The following IMMP2L variants were observed in gnomAD, a reference collection of about 807,000 sequenced individuals.
The protein encoded by IMMP2L is inner mitochondrial membrane peptidase subunit 2, also known as mitochondrial inner membrane protease subunit 2.
In IMMP2L, 18 loss-of-function variants were observed where a neutral mutation model predicts 19.3. The ratio of observed to expected loss-of-function variants is 0.93; its 90% CI spans 0.64 to 1.38. The LOEUF (loss-of-function observed/expected upper bound fraction) is 1.38. IMMP2L is among the 40% of genes most tolerant of loss of function. IMMP2L has a pLI of 0.00. For synonymous variants in IMMP2L, 76 were observed against 73.0 expected, an observed-to-expected ratio of 1.04 and a Z score of -0.21; for missense variants, 233 against 218.2, an observed-to-expected ratio of 1.07 and a Z score of -0.43.
intron 3 of IMMP2L, among the ~76,000 whole-genome samples, chr7:111,125,909 G>A (rs1417961992): frequency 4.2e-5 from 6 of 141,364 alleles, no homozygotes; most frequent in Non-Finnish European, 6.0e-5. Context: ...TGCAGACTCC[G>A]CTTCCCAGGT....
Position 110,699,531 on chromosome 7 carries a change from G to A in IMMP2L, c.409-35810C>T, listed in dbSNP as rs371044572. On this transcript the variant is annotated intron_variant, in intron 5 of 5. Transcript: ENST00000405709. ...TCGCGCCTTAATTCCAGCACTTTGG[G>A]AGGCCGAGGCGGGCGGATCATCTGA... Among the ~76,000 whole-genome samples the A allele has an allele frequency of 2.1e-4, 32 of 152,216 alleles. 1 individual carries two copies. The East Asian group carries it at 5.4e-3, about 26-fold the overall frequency.
chr7:111,125,262 A>T (rs2129590729), intron 3 of IMMP2L: 1 of 183,972 alleles, frequency 5.4e-6, no homozygotes, highest in African/African-American at 2.4e-5. Context: ...GTGTTGTATT[A>T]CACATATTAG....
At chr7:111,525,760 T>C (rs995797114) in intron 1 of IMMP2L, among the ~76,000 whole-genome samples, 3 of 152,130 alleles carry the variant, frequency 2.0e-5, no homozygotes, top group African/African-American at 7.2e-5. Context: ...AAATATTTAA[T>C]ACTAAAATTA....
In IMMP2L at chr7:110,953,322, C is replaced by T. The variant is rs1359911754; in HGVS notation, c.305+10178G>A. On this transcript the variant is annotated intron_variant, in intron 4 of 5. Coordinates refer to ENST00000405709, the MANE Select transcript of IMMP2L (RefSeq NM_032549.4). ...CTAGTGCTGTCCCTCTCCTTGTCCCCCACCCCCCGACAGGCCCCAGTGTGT... is the reference window on the plus strand; with the variant it reads ...CTAGTGCTGTCCCTCTCCTTGTCCCTCACCCCCCGACAGGCCCCAGTGTGT... Among the ~76,000 whole-genome samples, 4 of 151,842 alleles carry T rather than the reference C, an allele frequency of 2.6e-5. No homozygotes were observed. In the East Asian group the frequency reaches 7.8e-4, roughly 30 times the overall value.
At chr7:111,385,463 G>A (rs1010848715) in intron 3 of IMMP2L, among the ~76,000 whole-genome samples, 22 of 152,120 alleles carry the variant, frequency 1.4e-4, no homozygotes, top group South Asian at 2.1e-4. Context: ...GCTACCCTAG[G>A]CCGAAGTGAG....
chr7:110,767,685 A>C (rs1293679440), intron 5 of IMMP2L, among the ~76,000 whole-genome samples: 2 of 152,162 alleles, frequency 1.3e-5, no homozygotes, highest in Non-Finnish European at 2.9e-5. Flanking sequence ...CTCTTGATGC[A>C]AGTCAGCACT....
chr7:111,382,022 T>C (rs1331323877), intron 3 of IMMP2L, among the ~76,000 whole-genome samples: 1 of 151,902 alleles, frequency 6.6e-6, no homozygotes, highest in Non-Finnish European at 1.5e-5. Flanking sequence ...TTGGATGTCA[T>C]GATCTGAAGT....
At chr7:111,221,733 C>T (rs1812540314) in intron 3 of IMMP2L, among the ~76,000 whole-genome samples, 2 of 151,846 alleles carry the variant, frequency 1.3e-5, no homozygotes, top group South Asian at 2.1e-4. Context: ...TAGAGTTTTT[C>T]ATAGAAGTTG....
chr7:111,156,926 G>C (rs1804704253), intron 3 of IMMP2L, among the ~76,000 whole-genome samples: 1 of 151,914 alleles, frequency 6.6e-6, no homozygotes, highest in South Asian at 2.1e-4. Flanking sequence ...ATGTGTCAGT[G>C]ATGAGAAGAC....
chr7:111,526,043 A>C (rs1846816586), intron 1 of IMMP2L, among the ~76,000 whole-genome samples: 1 of 152,112 alleles, frequency 6.6e-6, no homozygotes, highest in Non-Finnish European at 1.5e-5. Context: ...TAAAAGCAGT[A>C]ACATATATGA....
At chr7:111,104,158 T>C (rs1798282340) in intron 3 of IMMP2L, among the ~76,000 whole-genome samples, 1 of 151,734 alleles carries the variant, frequency 6.6e-6, no homozygotes, top group African/African-American at 2.4e-5. Flanking sequence ...GATACCTTCC[T>C]TCATTCATGC....
chr7:110,824,447 A>G (rs996857877), intron 5 of IMMP2L, among the ~76,000 whole-genome samples: 4 of 152,152 alleles, frequency 2.6e-5, no homozygotes, highest in Non-Finnish European at 5.9e-5. Context: ...TGCAAAATAT[A>G]TATGAATTCC....
chr7:111,558,050 C>A (rs959572875), intron 1 of IMMP2L, among the ~76,000 whole-genome samples: 7 of 151,536 alleles, frequency 4.6e-5, no homozygotes, highest in African/African-American at 1.7e-4. Flanking sequence ...ATGAAGATGA[C>A]AAAGAAAAAA....
At chr7:111,445,522 G>C (rs547274547) in intron 3 of IMMP2L, among the ~76,000 whole-genome samples, 5 of 152,096 alleles carry the variant, frequency 3.3e-5, no homozygotes, top group Admixed American at 6.5e-5. Flanking sequence ...TGTGAAGACT[G>C]AGAATAACGA....
intron 3 of IMMP2L, among the ~76,000 whole-genome samples, chr7:110,969,499 C>T (rs1002656996): frequency 3.3e-5 from 5 of 151,848 alleles, no homozygotes; most frequent in Admixed American, 1.3e-4. Context: ...CTGATATCCC[C>T]GAGAATGCTC....
At chr7:111,161,740 CA>C (rs1384707384) in intron 3 of IMMP2L, among the ~76,000 whole-genome samples, 1 of 151,850 alleles carries the variant, frequency 6.6e-6, no homozygotes, top group South Asian at 2.1e-4. Flanking sequence ...CCAATTTGCT[CA>C]AAATAGTAGC....
intron 3 of IMMP2L, among the ~76,000 whole-genome samples, chr7:111,366,588 G>T (rs1219964924): frequency 6.6e-6 from 1 of 151,826 alleles, no homozygotes; most frequent in Non-Finnish European, 1.5e-5. Context: ...GGTAAGTTAG[G>T]TAATGGCAAT....
chr7:110,995,694 T>C (rs940562548), intron 3 of IMMP2L, among the ~76,000 whole-genome samples: 1 of 152,050 alleles, frequency 6.6e-6, no homozygotes, highest in Non-Finnish European at 1.5e-5. Context: ...GGCAGCATCA[T>C]AAGTAGCCAT....
intron 3 of IMMP2L, among the ~76,000 whole-genome samples, chr7:111,132,623 T>C (rs1249311512): frequency 1.3e-5 from 2 of 152,004 alleles, no homozygotes; most frequent in African/African-American, 4.8e-5. Context: ...TTGCAAATCT[T>C]GGGTTCTTAG....
Sources: gnomAD v4.1 joint callset for allele counts (sites outside exome capture counted in the v4.1 genomes callset) on GRCh38, gnomAD v4.1.1 for gene constraint, MANE v1.5 for transcripts, NCBI Gene and HGNC (gene_info 2026-07-23, HGNC 2026-07-21) for gene names.